MGMT: variants seen among roughly 807,000 people sequenced by gnomAD.
The protein encoded by MGMT is methylated-DNA--protein-cysteine methyltransferase.
In MGMT, 14 loss-of-function variants were observed where a neutral mutation model predicts 15.9. That is an observed-to-expected ratio of 0.88 (90% CI 0.58 to 1.37). The LOEUF is 1.37. MGMT is among the 40% of genes most tolerant of loss of function. The probability of loss-of-function intolerance (pLI) is 0.00; values close to 1 mark genes in which losing one functional copy is unlikely to be tolerated. For synonymous variants in MGMT, 130 were observed against 118.2 expected, an observed-to-expected ratio of 1.10 and a Z score of -0.65; for missense variants, 282 against 268.1, an observed-to-expected ratio of 1.05 and a Z score of -0.36.
At chr10:129,544,553 C>T (rs558610433) in intron 2 of MGMT, among the ~76,000 whole-genome samples, 3 of 152,316 alleles carry the variant, frequency 2.0e-5, no homozygotes, top group East Asian at 1.9e-4. Context: ...TGTCCTTTCT[C>T]GATGGCCCTG....
At chr10:129,676,966 T>C (rs1009424583) in intron 2 of MGMT, among the ~76,000 whole-genome samples, 5 of 152,214 alleles carry the variant, frequency 3.3e-5, no homozygotes, top group African/African-American at 1.2e-4. Flanking sequence ...TCAGTAAATC[T>C]GAAATGGTGA....
At chr10:129,688,639 G>C (rs754679848) in intron 2 of MGMT, among the ~76,000 whole-genome samples, 3 of 152,120 alleles carry the variant, frequency 2.0e-5, no homozygotes, top group African/African-American at 7.2e-5. Flanking sequence ...CCATTCTGTA[G>C]GTCGCCTGTT....
intron 2 of MGMT, among the ~76,000 whole-genome samples, chr10:129,583,223 A>C (rs963885497): frequency 4.6e-5 from 7 of 152,262 alleles, no homozygotes; most frequent in African/African-American, 1.7e-4. Flanking sequence ...TTAAATTAAC[A>C]TCAAATGGAA....
chr10:129,731,395 C>T (rs189137937), intron 3 of MGMT, among the ~76,000 whole-genome samples: 1 of 132,964 alleles, frequency 7.5e-6, no homozygotes, highest in East Asian at 2.3e-4. Context: ...CGGAGTCTCG[C>T]TCTGTTGCCC....
intron 2 of MGMT, among the ~76,000 whole-genome samples, chr10:129,638,446 G>GAAAAAAAAAAAAAAAAAAA (rs1157292152): frequency 6.2e-5 from 6 of 96,284 alleles, no homozygotes; most frequent in Non-Finnish European, 1.0e-4. Flanking sequence ...AAAAAAAAAA[G>GAAAAAAAAAAAAAAAAAAA]AAAAAAAAAA....
At chr10:129,535,966 T>A (rs1262331412) in intron 1 of MGMT, among the ~76,000 whole-genome samples, 1 of 152,212 alleles carries the variant, frequency 6.6e-6, no homozygotes, top group East Asian at 1.9e-4. Flanking sequence ...TCCTTCGGTG[T>A]TGCGTTGGTT....
In MGMT at chr10:129,705,614, A is replaced by G. The variant is rs574775040; in HGVS notation, c.126-2281A>G. Reference sequence around the variant, plus strand: ...TGGTTTTTACCTCACAGGAAAAGCGAGAACTAATCGCTCCAGAGATCATCT... The same window carrying G: ...TGGTTTTTACCTCACAGGAAAAGCGGGAACTAATCGCTCCAGAGATCATCT... On this transcript the variant is annotated intron_variant, in intron 2 of 4. Transcript: ENST00000651593. Among the ~76,000 whole-genome samples, 20 of 152,352 alleles carry G rather than the reference A, an allele frequency of 1.3e-4. No homozygotes were observed. In the East Asian group the frequency reaches 3.5e-3, roughly 26 times the overall value.
chr10:129,657,729 C>CACACACACACACACACCCA (rs1564750921), intron 2 of MGMT, among the ~76,000 whole-genome samples: 1 of 122,292 alleles, frequency 8.2e-6, no homozygotes, highest in African/African-American at 3.2e-5. Flanking sequence ...ACACACACAC[C>CACACACACACACACACCCA]CCCTCTCCCC....
At chr10:129,555,230 G>A (rs528319528) in intron 2 of MGMT, among the ~76,000 whole-genome samples, 8 of 152,256 alleles carry the variant, frequency 5.3e-5, no homozygotes, top group Non-Finnish European at 1.0e-4. Flanking sequence ...GGGAGCCCTC[G>A]CACTCCCAGG....
chr10:129,490,017 A>G (rs964807859), intron 1 of MGMT, among the ~76,000 whole-genome samples: 4 of 152,086 alleles, frequency 2.6e-5, no homozygotes, highest in African/African-American at 9.7e-5. Context: ...AAAACTGCTA[A>G]CTCTTCATTA....
intron 2 of MGMT, among the ~76,000 whole-genome samples, chr10:129,634,214 G>A (rs906173613): frequency 1.3e-5 from 2 of 152,098 alleles, no homozygotes; most frequent in African/African-American, 4.8e-5. Context: ...GAATTCTGCT[G>A]TCATCCTCAT....
chr10:129,634,346 G>C (rs543639297), intron 2 of MGMT, among the ~76,000 whole-genome samples: 1 of 151,986 alleles, frequency 6.6e-6, no homozygotes, highest in Non-Finnish European at 1.5e-5. Context: ...CTTTTACTTG[G>C]TTTCACTGTC....
intron 2 of MGMT, among the ~76,000 whole-genome samples, chr10:129,555,885 C>T (rs1846207656): frequency 6.6e-6 from 1 of 152,164 alleles, no homozygotes; most frequent in Admixed American, 6.5e-5. Context: ...ATGTTCTTTA[C>T]CCAGTTTCTC....
intron 3 of MGMT, among the ~76,000 whole-genome samples, chr10:129,746,922 T>A (rs1012139395): frequency 6.6e-6 from 1 of 152,214 alleles, no homozygotes; most frequent in Non-Finnish European, 1.5e-5. Flanking sequence ...TAGGTCAGTT[T>A]GTTAGAATTC....
chr10:129,716,199 A>T (rs1848294428), intron 3 of MGMT, among the ~76,000 whole-genome samples: 1 of 152,190 alleles, frequency 6.6e-6, no homozygotes, highest in Non-Finnish European at 1.5e-5. Flanking sequence ...TTTAGTTCGG[A>T]TCAGGCCTTC....
At chr10:129,612,496 A>G (rs1309852184) in intron 2 of MGMT, among the ~76,000 whole-genome samples, 1 of 152,198 alleles carries the variant, frequency 6.6e-6, no homozygotes, top group East Asian at 1.9e-4. Context: ...ATATTTTATC[A>G]TTACCTAGTT....
intron 2 of MGMT, among the ~76,000 whole-genome samples, chr10:129,583,034 C>T (rs938475390): frequency 4.6e-5 from 7 of 152,094 alleles, no homozygotes; most frequent in Non-Finnish European, 7.4e-5. Flanking sequence ...AAAGATGAAC[C>T]ATCTTGAGGG....
chr10:129,560,918 C>A (rs1846268785), intron 2 of MGMT, among the ~76,000 whole-genome samples: 1 of 151,604 alleles, frequency 6.6e-6, no homozygotes, highest in Admixed American at 6.6e-5. Flanking sequence ...CGGGAACTTT[C>A]AGACATTTTC....
intron 2 of MGMT, among the ~76,000 whole-genome samples, chr10:129,594,913 G>A (rs117467244): frequency 0.032 from 4,947 of 152,252 alleles, 130 homozygotes; most frequent in South Asian, 0.064. Context: ...CGGCACACCC[G>A]TCACGCCATC....
Sources: allele counts gnomAD v4.1 joint callset (sites outside exome capture counted in the v4.1 genomes callset), GRCh38; gene constraint gnomAD v4.1.1; transcripts MANE v1.5; gene names NCBI Gene and HGNC (gene_info 2026-07-23, HGNC 2026-07-21).